The following ZNF469 variants were observed in gnomAD, a reference collection of about 807,000 sequenced individuals.
ZNF469 encodes the protein zinc finger protein 469.
A neutral mutation model predicts 1.0 loss-of-function variants in ZNF469; 1 was observed. That is an observed-to-expected ratio of 1.00 (90% CI 0.35 to 4.73). The LOEUF (loss-of-function observed/expected upper bound fraction) is 4.73, where lower values mean the gene tolerates loss of function less well. Among genes scored for constraint, ZNF469 ranks in the 30% most tolerant of loss-of-function variants. The probability of loss-of-function intolerance (pLI) is 0.16; values close to 1 mark genes in which losing one functional copy is unlikely to be tolerated. For missense variants in ZNF469, 6,100 were observed against 5,356.3 expected (o/e 1.14, Z -4.33); for synonymous variants, 2,703 against 2,363.4 (o/e 1.14, Z -4.17).
the ZNF469 span, among the ~76,000 whole-genome samples, chr16:88,283,986 G>C: frequency 0.039 from 1,290 of 32,956 alleles, 14 homozygotes; most frequent in African/African-American, 0.079. Flanking sequence ...GGTAGACCCC[G>C]AGTGTGCCCG....
intron 1 of ZNF469, among the ~76,000 whole-genome samples, chr16:88,409,285 GA>G (rs1023703233): frequency 1.3e-5 from 2 of 152,278 alleles, no homozygotes; most frequent in African/African-American, 4.8e-5. Flanking sequence ...AGCCATCTGT[GA>G]AATGGAGGTA....
chr16:88,222,406 A>G, the ZNF469 span, among the ~76,000 whole-genome samples: 1 of 152,176 alleles, frequency 6.6e-6, no homozygotes, highest in Non-Finnish European at 1.5e-5. Flanking sequence ...CTCTTGCCTC[A>G]GCCTCCCGAG....
the ZNF469 span, among the ~76,000 whole-genome samples, chr16:88,141,503 C>T: frequency 7.1e-6 from 1 of 140,640 alleles, no homozygotes; most frequent in East Asian, 2.3e-4. Context: ...CTGGGAGGCA[C>T]CCCCGTCCTG....
Position 88,427,988 on chromosome 16 carries a change from C to T in ZNF469, c.518C>T (p.Pro173Leu). 6.5e-7 allele frequency: 1 copy of T among 1,550,020 alleles called. No individual in the cohort carries two copies. Among genetic ancestry groups the T allele is most frequent in the South Asian group, 1.2e-5 (1 of 84,066 alleles). ...GGCCTCCCAAGGACTGAGGCCCAAC[C>T]CGCCGCCGAAGAGCTTGGCTTCCAC... ...RPGLPRTEAQPAAEELGFHRC... is the reference protein window; with the variant it reads ...RPGLPRTEAQLAAEELGFHRC... Residue 173 changes from proline (P) to leucine (L), a missense_variant, in exon 3 of 3, where the codon CCC becomes CTC. Coordinates refer to ENST00000565624, the MANE Select transcript of ZNF469 (RefSeq NM_001367624.2).
chr16:88,420,724 C>A (rs1005711141), intron 1 of ZNF469, among the ~76,000 whole-genome samples: 14 of 152,246 alleles, frequency 9.2e-5, no homozygotes, highest in Admixed American at 9.2e-4. Context: ...GGTTTGTGTG[C>A]TCCATGAGGT....
At chr16:88,146,049 C>T in the ZNF469 span, among the ~76,000 whole-genome samples, 1 of 152,268 alleles carries the variant, frequency 6.6e-6, no homozygotes, top group Non-Finnish European at 1.5e-5. Context: ...TCCAACACCG[C>T]CTCCCTCCAC....
the ZNF469 span, among the ~76,000 whole-genome samples, chr16:88,322,163 G>A: frequency 3.9e-5 from 6 of 152,128 alleles, no homozygotes; most frequent in African/African-American, 1.2e-4. Context: ...CCGCGGCCTC[G>A]GCATCTTCTC....
chr16:88,207,458 G>A, the ZNF469 span, among the ~76,000 whole-genome samples: 1 of 150,182 alleles, frequency 6.7e-6, no homozygotes, highest in Non-Finnish European at 1.5e-5. Flanking sequence ...CTGGTTCCCT[G>A]GCTGAGAGGG....
At chr16:88,339,176 G>T in the ZNF469 span, among the ~76,000 whole-genome samples, 67 of 140,220 alleles carry the variant, frequency 4.8e-4, no homozygotes, top group African/African-American at 1.5e-3. Flanking sequence ...GGGACATGGG[G>T]ACAGGGTGGC....
At chr16:88,146,667 G>GT in the ZNF469 span, among the ~76,000 whole-genome samples, 1 of 151,480 alleles carries the variant, frequency 6.6e-6, no homozygotes, top group Non-Finnish European at 1.5e-5. Context: ...CTGTGCATTT[G>GT]TGGGGGGGCA....
the ZNF469 span, among the ~76,000 whole-genome samples, chr16:88,214,133 C>G: frequency 6.6e-6 from 1 of 152,132 alleles, no homozygotes; most frequent in Non-Finnish European, 1.5e-5. Flanking sequence ...ACCTGAGTGA[C>G]CCCAGGGAAG....
At chr16:88,154,625 A>G in the ZNF469 span, among the ~76,000 whole-genome samples, 1 of 152,250 alleles carries the variant, frequency 6.6e-6, no homozygotes, top group Non-Finnish European at 1.5e-5. Flanking sequence ...GCTGAGGCTC[A>G]GAGAGAAGGG....
At chr16:88,413,910 G>A (rs556955601) in intron 1 of ZNF469, among the ~76,000 whole-genome samples, 6 of 152,346 alleles carry the variant, frequency 3.9e-5, no homozygotes, top group East Asian at 1.9e-4. Context: ...GGAAGCAGGC[G>A]CTATGGTGGC....
chr16:88,226,316 G>C, the ZNF469 span, among the ~76,000 whole-genome samples: 1 of 152,068 alleles, frequency 6.6e-6, no homozygotes, highest in Admixed American at 6.5e-5. Flanking sequence ...GAGGTCGTTA[G>C]GGTGGGTCCT....
the ZNF469 span, among the ~76,000 whole-genome samples, chr16:88,282,708 G>T: frequency 1.3e-5 from 2 of 152,180 alleles, no homozygotes; most frequent in Non-Finnish European, 2.9e-5. Context: ...ACAGGGAAGA[G>T]CCTCACTGTC....
At chr16:88,374,441 G>A in the ZNF469 span, among the ~76,000 whole-genome samples, 1 of 152,216 alleles carries the variant, frequency 6.6e-6, no homozygotes, top group Non-Finnish European at 1.5e-5. Flanking sequence ...GAGTTGGGGA[G>A]GCAGAGAAGA....
chr16:88,171,850 A>T, the ZNF469 span, among the ~76,000 whole-genome samples: 1 of 152,172 alleles, frequency 6.6e-6, no homozygotes, highest in African/African-American at 2.4e-5. Flanking sequence ...GTTCAAAAAA[A>T]CTCAAAATTT....
Position 88,437,427 on chromosome 16 carries a change from G to A in ZNF469, c.9957G>A (p.Gly3319=), listed in dbSNP as rs1032493512. ...CGTCCCCCGACCCCTGGGCCGGCGG[G>A]GAGCCCCTCCTGCAAGCCACCCCGG... ...PSPSPDPWAG[G]EPLLQATPVH... Residue 3319 remains glycine, a synonymous_variant, in exon 3 of 3, where the codon GGG becomes GGA. Coordinates refer to ENST00000565624, the MANE Select transcript of ZNF469 (RefSeq NM_001367624.2). 1 of 1,521,962 alleles carries A rather than the reference G, an allele frequency of 6.6e-7. No homozygotes were observed. Among genetic ancestry groups the A allele is most frequent in the South Asian group, 1.2e-5 (1 of 81,552 alleles). 94.3% of individuals were successfully genotyped at this position (1,521,962 alleles called of 1,614,324 possible).
the ZNF469 span, among the ~76,000 whole-genome samples, chr16:88,243,949 T>TATATAAAA: frequency 1.1e-5 from 1 of 94,242 alleles, no homozygotes; most frequent in Non-Finnish European, 2.3e-5. Context: ...TATATATATA[T>TATATAAAA]ATAAATGTAT....
Sources: allele counts gnomAD v4.1 joint callset (sites outside exome capture counted in the v4.1 genomes callset), GRCh38; gene constraint gnomAD v4.1.1; transcripts MANE v1.5; gene names NCBI Gene and HGNC (gene_info 2026-07-23, HGNC 2026-07-21).